ARHGAP9: variants seen among roughly 807,000 people sequenced by gnomAD.
The protein encoded by ARHGAP9 is Rho GTPase activating protein 9.
A neutral mutation model predicts 87.3 loss-of-function variants in ARHGAP9; 76 were observed. The observed-to-expected ratio is 0.87, with a 90% CI of 0.72 to 1.05. The LOEUF (loss-of-function observed/expected upper bound fraction) is 1.05. Among genes scored for constraint, ARHGAP9 ranks in the 50% least tolerant of loss-of-function variants. The pLI, the probability that ARHGAP9 is intolerant of heterozygous loss-of-function variation, is 0.00. For synonymous variants in ARHGAP9, 382 were observed against 394.9 expected, an observed-to-expected ratio of 0.97 and a Z score of 0.39; for missense variants, 941 against 960.5, an observed-to-expected ratio of 0.98 and a Z score of 0.27.
chr12:57,478,893 C>A (rs905157525), intron 2 of ARHGAP9, 136 bp from the exon 3 acceptor site: 2 of 1,099,426 alleles, frequency 1.8e-6, no homozygotes, highest in Admixed American at 2.7e-5. Context: ...GACCTAGAAG[C>A]CTTAGGACTA....
At chr12:57,488,612 C>A (rs1875657532) in exon 1 of ARHGAP9, 2 of 1,551,078 alleles carry the variant, frequency 1.3e-6, no homozygotes, top group Non-Finnish European at 8.7e-7. Flanking sequence ...TTCTGTTTAC[C>A]TCTTCTCATT....
At chr12:57,482,190 T>C (rs570398116), upstream of ARHGAP9, among the ~76,000 whole-genome samples, 39 of 152,170 alleles carry the variant, frequency 2.6e-4, no homozygotes, top group South Asian at 8.1e-3. Context: ...AGAATATCAC[T>C]TGAGCCTAGG....
chr12:57,473,588 T>C lies in ARHGAP9; in HGVS notation c.2024+15A>G, dbSNP rs745568994. 3 of 1,605,126 alleles carry C rather than the reference T, an allele frequency of 1.9e-6. No homozygotes were observed. The highest frequency in any genetic ancestry group is 1.7e-5 in the Admixed American group (1 of 59,946). ...CCTTTCCCCAGCATGAACAAAGAGG[T>C]TCTGTCTTCCTGACCTGCATAAATG... On this transcript the variant is annotated intron_variant, in intron 17 of 17. Transcript: ENST00000393791.
chr12:57,480,098 G>A (rs922329338), upstream of ARHGAP9: 23 of 985,152 alleles, frequency 2.3e-5, no homozygotes, highest in East Asian at 2.3e-4. Context: ...TCCAGGACAC[G>A]ATTTTGGGAG....
At chr12:57,488,714 A>G (rs1875669488) in exon 1 of ARHGAP9, 2 of 1,439,296 alleles carry the variant, frequency 1.4e-6, no homozygotes, top group Admixed American at 3.9e-5. Flanking sequence ...CCTTCAGATA[A>G]TTATGAAGAT....
Position 57,475,633 on chromosome 12 carries a change from C to T in ARHGAP9, c.1312-18G>A. Reference sequence around the variant, plus strand: ...TCCCGATCCTAGACCCGGGGCGGGCCGTGTCGAAGGTGAGAGAGGAGAGAA... The same window carrying T: ...TCCCGATCCTAGACCCGGGGCGGGCTGTGTCGAAGGTGAGAGAGGAGAGAA... On this transcript the variant is annotated intron_variant, in intron 10 of 17. Transcript: ENST00000393791. The T allele has an allele frequency of 6.2e-7, 1 of 1,604,802 alleles. No individual in the cohort carries two copies. Among genetic ancestry groups the T allele is most frequent in the South Asian group, 1.1e-5 (1 of 90,170 alleles).
chr12:57,485,090 C>T (rs892611138), intron 1 of ARHGAP9, among the ~76,000 whole-genome samples: 1 of 151,646 alleles, frequency 6.6e-6, no homozygotes, highest in East Asian at 2.0e-4. Flanking sequence ...GGATTACAGG[C>T]ATGCACCACC....
At chr12:57,476,490 C>T in intron 7 of ARHGAP9, 36 bp from the exon 8 acceptor site, 3 of 1,613,472 alleles carry the variant, frequency 1.9e-6, no homozygotes, top group Non-Finnish European at 2.5e-6. Flanking sequence ...TGGTAGCGAA[C>T]AGGTCATTCT....
upstream of ARHGAP9, among the ~76,000 whole-genome samples, chr12:57,481,778 C>T (rs975414336): frequency 6.6e-6 from 1 of 152,164 alleles, no homozygotes; most frequent in Non-Finnish European, 1.5e-5. Context: ...TGCTGGTATC[C>T]CTCTTACCTT....
At chr12:57,486,765 G>A (rs11172233) in intron 1 of ARHGAP9, among the ~76,000 whole-genome samples, 1 of 148,614 alleles carries the variant, frequency 6.7e-6, no homozygotes. Flanking sequence ...GGCACCTGTA[G>A]TTCCAGCTAC....
At chr12:57,480,383 T>C (rs374505594), upstream of ARHGAP9, among the ~76,000 whole-genome samples, 77 of 152,254 alleles carry the variant, frequency 5.1e-4, no homozygotes, top group Middle Eastern at 6.8e-3. Flanking sequence ...GGTTTCACCA[T>C]GTTGGCCAGG....
In ARHGAP9 at chr12:57,487,952, G is replaced by A. The variant is rs76399088; in HGVS notation, c.-204+660C>T. 5,018 of 712,800 alleles carry A rather than the reference G, an allele frequency of 7.0e-3. 40 individuals are homozygous for A. The highest frequency in any genetic ancestry group is 0.01 in the Non-Finnish European group (4,048 of 392,342). The allele number at this position is 712,800 out of a possible 1,614,324, so 44.2% of individuals were successfully genotyped here. On this transcript the variant is annotated intron_variant, in intron 1 of 20. Transcript: ENST00000393797. ...TGTGTCTTAGCGTTGCATGATGGGA[G>A]AAATAGTCTACTTTCCGGTAGCGGT...
At chr12:57,477,066 G>A (rs769092620) in intron 5 of ARHGAP9, 90 bp downstream of exon 5, 1 of 1,519,628 alleles carries the variant, frequency 6.6e-7, no homozygotes, top group African/African-American at 1.4e-5. Flanking sequence ...TGGGGGGTGT[G>A]GTGGGGAATG....
rs775297396 is a variant in ARHGAP9, at chr12:57,476,369, C to A, written c.1111G>T (p.Gly371Cys). Reference protein sequence around the residue: ...REPPPTAPSSGWGPAGSRPES... With the variant: ...REPPPTAPSSCWGPAGSRPES... Reference sequence around the variant, plus strand: ...CGCCTCTCGCTCACACTCACCCAGCCTGAGGAGGGCGCTGTCGGCGGTGGC... The same window carrying A: ...CGCCTCTCGCTCACACTCACCCAGCATGAGGAGGGCGCTGTCGGCGGTGGC... The change falls in exon 8 of 18, where the codon GGC becomes TGC. Residue 371 changes from glycine (G) to cysteine (C), a missense_variant. By Grantham distance (159) the Gly-to-Cys change is radical (BLOSUM62 -3). Transcript: ENST00000393791. 15 of 1,613,912 alleles carry A rather than the reference C, an allele frequency of 9.3e-6. No individual in the cohort carries two copies. The South Asian group carries it at 1.6e-4, about 18-fold the overall frequency.
Position 57,476,085 on chromosome 12 carries a change from G to T in ARHGAP9, c.1198C>A (p.Arg400Ser). The change falls in exon 9 of 18, where the codon CGC (arginine) becomes AGC (serine). Residue 400 changes from arginine to serine, a missense_variant. Arg to Ser is a moderately radical substitution (Grantham distance 110, BLOSUM62 -1). Transcript: ENST00000393791. ...AGGGCGCTCACGTGCAGGACGTTGC[G>T]GCGGCTGGACAGGTGGCGGCCGTGC... ...LAHGRHLSSRRNVLHIRTIPG... is the reference protein window; with the variant it reads ...LAHGRHLSSRSNVLHIRTIPG... 1 of 1,537,040 alleles carries T rather than the reference G, an allele frequency of 6.5e-7. No individual in the cohort carries two copies.
chr12:57,477,380 G>C lies in ARHGAP9; in HGVS notation c.756+79C>G, dbSNP rs1436849147. On this transcript the variant is annotated intron_variant, in intron 4 of 17. Coordinates refer to ENST00000393791, the MANE Select transcript of ARHGAP9 (RefSeq NM_032496.4). ...TCTGATCTTCTGAGAGCCCCGGAGA[G>C]AAAACACACTACCTTGAGGTTCATC... The C allele has an allele frequency of 5.2e-6, 8 of 1,550,038 alleles. No individual in the cohort carries two copies. In the East Asian group the frequency reaches 1.8e-4, roughly 35 times the overall value.
At chr12:57,476,700 G>A in intron 6 of ARHGAP9, 49 bp from the exon 7 acceptor site, 1 of 1,611,920 alleles carries the variant, frequency 6.2e-7, no homozygotes, top group Non-Finnish European at 8.5e-7. Context: ...GCCCTCCATA[G>A]TGGCCACGGC....
At position 57,474,987 on chromosome 12, in the gene ARHGAP9, G is replaced by A. The variant is rs751461476; in HGVS notation, c.1553-14C>T. On this transcript the variant is annotated splice_polypyrimidine_tract_variant and intron_variant, in intron 12 of 17. Coordinates refer to ENST00000393791, the MANE Select transcript of ARHGAP9 (RefSeq NM_032496.4). ...CGAACACCTGGTCTGGGGAAGTAGA[G>A]TGAGGCGGGAAGCCAGTGCCAGCGT... 6.8e-6 allele frequency: 11 copies of A among 1,612,126 alleles called. No individual in the cohort carries two copies. In the East Asian group the frequency reaches 2.2e-4, roughly 33 times the overall value.
At chr12:57,488,241 G>A (rs879203522) in intron 1 of ARHGAP9, 1 of 1,563,558 alleles carries the variant, frequency 6.4e-7, no homozygotes, top group African/African-American at 1.4e-5. Context: ...GGGGGGGCGG[G>A]ACCGAAACAC....
Sources: gnomAD v4.1 joint callset for allele counts (sites outside exome capture counted in the v4.1 genomes callset) on GRCh38, gnomAD v4.1.1 for gene constraint, MANE v1.5 for transcripts, NCBI Gene and HGNC (gene_info 2026-07-23, HGNC 2026-07-21) for gene names.